OPCML: variants seen among roughly 807,000 people sequenced by gnomAD.
OPCML encodes opioid-binding protein/cell adhesion molecule.
OPCML carries 13 observed loss-of-function variants against 37.8 expected under a neutral mutation model. That is an observed-to-expected ratio of 0.34 (90% CI 0.22 to 0.55). OPCML has a LOEUF of 0.55. Among genes scored for constraint, OPCML ranks in the 20% least tolerant of loss-of-function variants. OPCML has a pLI of 0.91. For missense variants in OPCML, 341 were observed against 435.6 expected (o/e 0.78, Z 1.93); for synonymous variants, 176 against 168.8 (o/e 1.04, Z -0.33).
chr11:133,168,267 A>C (rs1404525283), intron 1 of OPCML, among the ~76,000 whole-genome samples: 1 of 152,206 alleles, frequency 6.6e-6, no homozygotes, highest in Non-Finnish European at 1.5e-5. Context: ...TTCCTCCTGG[A>C]ATGAGACTGC....
intron 1 of OPCML, among the ~76,000 whole-genome samples, chr11:133,238,164 C>T (rs1202627662): frequency 6.6e-6 from 1 of 152,128 alleles, no homozygotes; most frequent in African/African-American, 2.4e-5. Context: ...CCCTGTATTA[C>T]CCTGTGCTGT....
At chr11:133,276,721 C>G (rs959137393) in intron 1 of OPCML, among the ~76,000 whole-genome samples, 14 of 152,098 alleles carry the variant, frequency 9.2e-5, no homozygotes, top group African/African-American at 3.4e-4. Context: ...TGGTCATCTT[C>G]TTCTTGAAAT....
chr11:132,725,828 C>A (rs1944860259), intron 2 of OPCML, among the ~76,000 whole-genome samples: 1 of 151,086 alleles, frequency 6.6e-6, no homozygotes, highest in Admixed American at 6.6e-5. Flanking sequence ...TACCATAAAT[C>A]ATCTCTCTCA....
chr11:132,815,977 C>T (rs907725327), intron 2 of OPCML, among the ~76,000 whole-genome samples: 1 of 152,202 alleles, frequency 6.6e-6, no homozygotes, highest in Non-Finnish European at 1.5e-5. Flanking sequence ...GGAGGCAGTT[C>T]ACACTTATTG....
At chr11:133,312,298 C>T (rs569573268) in intron 1 of OPCML, among the ~76,000 whole-genome samples, 1 of 152,158 alleles carries the variant, frequency 6.6e-6, no homozygotes, top group Non-Finnish European at 1.5e-5. Flanking sequence ...GAAAGAATAT[C>T]CACCATCACT....
intron 1 of OPCML, among the ~76,000 whole-genome samples, chr11:133,182,706 G>A (rs77131092): frequency 0.019 from 2,874 of 152,304 alleles, 95 homozygotes; most frequent in African/African-American, 0.065. Flanking sequence ...CACCTGCAAG[G>A]AAAACAAAGT....
rs566879424 is a variant in OPCML at position 132,509,637 on chromosome 11, G to A, written c.505+19424C>T. Among the ~76,000 whole-genome samples the A allele has an allele frequency of 4.6e-5, 7 of 152,346 alleles. No homozygotes were observed. In the East Asian group the frequency reaches 1.3e-3, roughly 29 times the overall value. ...GTACAGCGCAGGCTGTGGCTTCAGAGGGTGGAAATCCCAAGGCTTGGCAGC... is the reference window on the plus strand; with the variant it reads ...GTACAGCGCAGGCTGTGGCTTCAGAAGGTGGAAATCCCAAGGCTTGGCAGC... On this transcript the variant is annotated intron_variant, in intron 4 of 7. Coordinates refer to ENST00000524381, the MANE Select transcript of OPCML (RefSeq NM_001012393.5).
At chr11:133,429,887 CA>C (rs1946082248) in intron 1 of OPCML, among the ~76,000 whole-genome samples, 2 of 152,002 alleles carry the variant, frequency 1.3e-5, no homozygotes, top group African/African-American at 4.8e-5. Flanking sequence ...CTTTAGAGTT[CA>C]GGGGAGAGAC....
At chr11:133,328,404 T>C (rs1943531988) in intron 1 of OPCML, among the ~76,000 whole-genome samples, 1 of 152,158 alleles carries the variant, frequency 6.6e-6, no homozygotes, top group Non-Finnish European at 1.5e-5. Flanking sequence ...GTGATCCACC[T>C]GCCTCGGCCT....
intron 2 of OPCML, among the ~76,000 whole-genome samples, chr11:132,684,598 T>C (rs948276857): frequency 3.3e-5 from 5 of 152,236 alleles, no homozygotes; most frequent in Non-Finnish European, 5.9e-5. Context: ...AATCCTGTTA[T>C]GAAAATAAAT....
At chr11:132,635,345 T>C (rs1283827218) in intron 3 of OPCML, among the ~76,000 whole-genome samples, 2 of 152,192 alleles carry the variant, frequency 1.3e-5, no homozygotes, top group African/African-American at 2.4e-5. Context: ...TCCCATTCCT[T>C]GTTCTTGAAA....
At chr11:132,744,635 G>T (rs1238306600) in intron 2 of OPCML, among the ~76,000 whole-genome samples, 1 of 152,198 alleles carries the variant, frequency 6.6e-6, no homozygotes, top group African/African-American at 2.4e-5. Flanking sequence ...GTTATGCATT[G>T]ACTAAAAGTT....
chr11:132,603,505 C>A (rs1031190296), intron 3 of OPCML, among the ~76,000 whole-genome samples: 2 of 152,176 alleles, frequency 1.3e-5, no homozygotes, highest in Non-Finnish European at 2.9e-5. Flanking sequence ...TCCTTATCAT[C>A]ATTTGCCTGG....
At position 133,007,207 on chromosome 11, in the gene OPCML, A is replaced by G. The variant is rs1452478080; in HGVS notation, c.62-64197T>C. The G allele has an allele frequency of 8.1e-6, 8 of 985,222 alleles. No individual in the cohort carries two copies. In the South Asian group the frequency reaches 1.4e-4, roughly 17 times the overall value. 61.0% of individuals were successfully genotyped at this position (985,222 alleles called of 1,614,324 possible). On this transcript the variant is annotated intron_variant, in intron 1 of 7. Transcript: ENST00000524381. ...TGTCTCACATAGCACAGTACAACCTATTTTAGGCTTTGTTGCCCCACCCTC... is the reference window on the plus strand; with the variant it reads ...TGTCTCACATAGCACAGTACAACCTGTTTTAGGCTTTGTTGCCCCACCCTC...
intron 2 of OPCML, among the ~76,000 whole-genome samples, chr11:132,905,028 G>C (rs1944187239): frequency 6.6e-6 from 1 of 152,068 alleles, no homozygotes; most frequent in Admixed American, 6.6e-5. Flanking sequence ...CTACTTCTTG[G>C]ACATGCATTT....
chr11:132,870,703 C>A (rs1232467001), intron 2 of OPCML, among the ~76,000 whole-genome samples: 1 of 152,098 alleles, frequency 6.6e-6, no homozygotes, highest in African/African-American at 2.4e-5. Context: ...TAGATAAATT[C>A]GATGAAATAC....
chr11:133,521,838 G>A (rs534629008), intron 1 of OPCML, among the ~76,000 whole-genome samples: 5 of 152,288 alleles, frequency 3.3e-5, no homozygotes, highest in African/African-American at 7.2e-5. Context: ...TAGCTTATTC[G>A]GAGAAGCCAA....
intron 7 of OPCML, among the ~76,000 whole-genome samples, chr11:132,421,059 A>G (rs913778364): frequency 6.6e-6 from 1 of 152,022 alleles, no homozygotes; most frequent in Non-Finnish European, 1.5e-5. Flanking sequence ...AAATAAGTCC[A>G]CAGTATCATG....
At chr11:133,196,904 G>A (rs764226536) in intron 1 of OPCML, among the ~76,000 whole-genome samples, 11 of 152,142 alleles carry the variant, frequency 7.2e-5, no homozygotes, top group East Asian at 3.9e-4. Context: ...GGAAGCAGGC[G>A]CAATTCTGTG....
Sources: allele counts gnomAD v4.1 joint callset (sites outside exome capture counted in the v4.1 genomes callset), GRCh38; gene constraint gnomAD v4.1.1; transcripts MANE v1.5; gene names NCBI Gene and HGNC (gene_info 2026-07-23, HGNC 2026-07-21).